AK7: variants seen among roughly 807,000 people sequenced by gnomAD.
The protein encoded by AK7 is ATP-AMP transphosphorylase 7.
AK7 carries 78 observed loss-of-function variants against 96.6 expected under a neutral mutation model. The observed-to-expected ratio is 0.81, with a 90% confidence interval of 0.67 to 0.97. The LOEUF (loss-of-function observed/expected upper bound fraction) is 0.97. Ranked by LOEUF, AK7 falls within the 50% of genes least tolerant of loss-of-function variation. The probability of loss-of-function intolerance (pLI) is 0.00; values close to 1 mark genes in which losing one functional copy is unlikely to be tolerated. For synonymous variants in AK7, 302 were observed against 317.2 expected, an observed-to-expected ratio of 0.95 and a Z score of 0.51; for missense variants, 855 against 887.9, an observed-to-expected ratio of 0.96 and a Z score of 0.47.
rs145425338 is a variant in AK7, at chr14:96,414,295, C to T, written c.498+5354C>T. On this transcript the variant is annotated intron_variant, in intron 4 of 17. Coordinates refer to ENST00000267584, the MANE Select transcript of AK7 (RefSeq NM_152327.5). The stretch of plus-strand genomic sequence containing the variant: ...TGCATGGGAAGCTTTATGAACCAGG[C>T]TTGGAAGAGATGCTCATCACTTCTG... 6.7e-3 allele frequency among the ~76,000 whole-genome samples: 1,027 copies of T among 152,264 alleles called. 16 individuals are homozygous for T. The highest frequency in any genetic ancestry group is 0.023 in the African/African-American group (960 of 41,546).
At chr14:96,437,403 C>A (rs1458361677) in intron 5 of AK7, among the ~76,000 whole-genome samples, 20 of 152,038 alleles carry the variant, frequency 1.3e-4, no homozygotes, top group Admixed American at 1.2e-3. Context: ...TCTTACAGTG[C>A]CTAAACTGCT....
At chr14:96,457,488 T>G (rs1396706721) in intron 11 of AK7, among the ~76,000 whole-genome samples, 1 of 152,206 alleles carries the variant, frequency 6.6e-6, no homozygotes, top group Non-Finnish European at 1.5e-5. Flanking sequence ...AATTGGATGT[T>G]CTTGTTGCCC....
chr14:96,485,866 G>A (rs529222256), intron 16 of AK7, among the ~76,000 whole-genome samples: 1 of 150,876 alleles, frequency 6.6e-6, no homozygotes, highest in South Asian at 2.1e-4. Context: ...TACGATCTCG[G>A]CTCACTGCAA....
chr14:96,438,667 T>G (rs1892786263), intron 6 of AK7, among the ~76,000 whole-genome samples: 1 of 152,178 alleles, frequency 6.6e-6, no homozygotes, highest in Non-Finnish European at 1.5e-5. Flanking sequence ...AAGCTCTGGC[T>G]TTCTTTCTGA....
intron 5 of AK7, among the ~76,000 whole-genome samples, chr14:96,434,871 C>T (rs1892556070): frequency 6.6e-6 from 1 of 152,188 alleles, no homozygotes; most frequent in African/African-American, 2.4e-5. Context: ...CAGTAGCCAC[C>T]CCAGGCCACA....
intron 3 of AK7, among the ~76,000 whole-genome samples, chr14:96,406,018 ATGG>A (rs1292283942): frequency 6.6e-6 from 1 of 150,730 alleles, no homozygotes; most frequent in African/African-American, 2.4e-5. Context: ...GTTTAGTAAG[ATGG>A]TGCCTTTGTG....
At chr14:96,460,980 C>T (rs1230349498) in intron 12 of AK7, among the ~76,000 whole-genome samples, 1 of 152,210 alleles carries the variant, frequency 6.6e-6, no homozygotes, top group African/African-American at 2.4e-5. Context: ...CAAGTGTTCG[C>T]TGAAACCAGC....
chr14:96,419,924 G>A (rs1027112735), intron 4 of AK7, among the ~76,000 whole-genome samples: 3 of 151,408 alleles, frequency 2.0e-5, no homozygotes, highest in Admixed American at 6.6e-5. Context: ...GAGTAGCTGG[G>A]ATTACAGGTG....
At chr14:96,461,478 T>C (rs532765311) in intron 12 of AK7, among the ~76,000 whole-genome samples, 2 of 152,262 alleles carry the variant, frequency 1.3e-5, no homozygotes, top group South Asian at 4.2e-4. Context: ...AGCTGGGGTG[T>C]AAGGCTAGAA....
chr14:96,482,885 T>A (rs778877658), intron 15 of AK7, 114 bp from the exon 16 acceptor site: 107 of 1,043,196 alleles, frequency 1.0e-4, no homozygotes, highest in Admixed American at 2.4e-5. Context: ...AAGAAAACCC[T>A]ATGTGGTAAT....
At chr14:96,407,580 CTT>C (rs11364736) in intron 3 of AK7, among the ~76,000 whole-genome samples, 5 of 60,340 alleles carry the variant, frequency 8.3e-5, no homozygotes, top group Admixed American at 2.0e-4. Flanking sequence ...TCTTTCTTTT[CTT>C]TTTTTTTTTT....
chr14:96,462,976 C>T (rs560786070), intron 12 of AK7, among the ~76,000 whole-genome samples: 3 of 151,768 alleles, frequency 2.0e-5, no homozygotes, highest in African/African-American at 4.8e-5. Flanking sequence ...TCTCTGCTAA[C>T]GGTACAAAAA....
chr14:96,417,905 G>A (rs549533001), intron 4 of AK7, among the ~76,000 whole-genome samples: 1 of 152,214 alleles, frequency 6.6e-6, no homozygotes, highest in East Asian at 1.9e-4. Context: ...GTGGCTAAAA[G>A]AAAGAAATAC....
intron 4 of AK7, among the ~76,000 whole-genome samples, chr14:96,419,282 G>A (rs1466546339): frequency 6.6e-6 from 1 of 152,068 alleles, no homozygotes; most frequent in Non-Finnish European, 1.5e-5. Context: ...TTATTTTGGG[G>A]AGGGCCCATG....
intron 3 of AK7, among the ~76,000 whole-genome samples, chr14:96,406,703 A>T (rs1171988037): frequency 1.3e-5 from 2 of 149,850 alleles, no homozygotes; most frequent in African/African-American, 2.5e-5. Flanking sequence ...TTTTTTTTTT[A>T]AAGATAGGGT....
At chr14:96,456,931 C>A (rs754064657) in intron 11 of AK7, 3 of 203,374 alleles carry the variant, frequency 1.5e-5, no homozygotes, top group Non-Finnish European at 3.1e-5. Flanking sequence ...ACGTGTGGAT[C>A]TTCTTTTCTC....
At chr14:96,482,338 G>A (rs991071330) in intron 15 of AK7, among the ~76,000 whole-genome samples, 2 of 152,138 alleles carry the variant, frequency 1.3e-5, no homozygotes, top group African/African-American at 4.8e-5. Flanking sequence ...GGTCTGAAGG[G>A]GCTTAGTACC....
chr14:96,472,180 A>T (rs1216370007), intron 13 of AK7, among the ~76,000 whole-genome samples: 1 of 152,172 alleles, frequency 6.6e-6, no homozygotes, highest in Non-Finnish European at 1.5e-5. Context: ...CTTTAAAAAA[A>T]AAATAGACCA....
chr14:96,488,288 C>CT lies in AK7; in HGVS notation c.2134-10dup. ...AATAACTTGTAAACTGTTGACTTGT[C>CT]TTTTTTTAAATTGTAGGCAGAATAT... On this transcript the variant is annotated splice_polypyrimidine_tract_variant and intron_variant, in intron 17 of 17. Transcript: ENST00000267584. The CT allele has an allele frequency of 2.5e-6, 4 of 1,605,890 alleles. No homozygotes were observed. Among genetic ancestry groups the CT allele is most frequent in the Non-Finnish European group, 3.4e-6 (4 of 1,174,126 alleles).
Sources: allele counts gnomAD v4.1 joint callset (sites outside exome capture counted in the v4.1 genomes callset), GRCh38; gene constraint gnomAD v4.1.1; transcripts MANE v1.5; gene names NCBI Gene and HGNC (gene_info 2026-07-23, HGNC 2026-07-21).